Variants in GATA3 observed in about 807,000 individuals in gnomAD.
GATA3 encodes GATA binding protein 3.
Under a neutral mutation model 36.0 loss-of-function variants are expected in GATA3, and 6 were observed. The observed-to-expected ratio is 0.17, with a 90% confidence interval of 0.09 to 0.33. The LOEUF is 0.33. Among genes scored for constraint, GATA3 ranks in the 10% least tolerant of loss-of-function variants. The probability of loss-of-function intolerance (pLI) is 1.00; values close to 1 mark genes in which losing one functional copy is unlikely to be tolerated. For synonymous variants in GATA3, 326 were observed against 273.0 expected (o/e 1.19, Z -1.92); for missense variants, 514 against 610.1 (o/e 0.84, Z 1.66).
At position 8,058,813 on chromosome 10, in the gene GATA3, G is replaced by C; in HGVS notation, c.750G>C (p.Lys250Asn). ...LGGSPTGFGC[K>N]SRPKARSSTE... ...GCTCCCCCACCGGCTTCGGATGCAA[G>C]TCCAGGCCCAAGGCCCGGTCCAGCA... Residue 250 changes from lysine to asparagine, a missense_variant, in exon 3 of 6, where the codon AAG (lysine) becomes AAC (asparagine). Lys to Asn is a moderately conservative substitution (Grantham distance 94). This residue lies in a region of GATA3 where 381 missense variants were observed against 354.3 expected (regional missense o/e 1.08). Coordinates refer to ENST00000379328, the MANE Select transcript of GATA3 (RefSeq NM_001002295.2). The C allele has an allele frequency of 6.2e-7, 1 of 1,606,262 alleles. No individual in the cohort carries two copies. The highest frequency in any genetic ancestry group is 8.5e-7 in the Non-Finnish European group (1 of 1,179,930).
intron 4 of GATA3, among the ~76,000 whole-genome samples, 167 bp downstream of exon 4, chr10:8,064,305 C>CT (rs1832798538): frequency 1.1e-5 from 1 of 87,972 alleles, no homozygotes; most frequent in South Asian, 5.0e-4. Context: ...TTCTTTTCTT[C>CT]TTCTTCTTTT....
chr10:8,045,714 G>A (rs1272917170), intron 1 of GATA3, among the ~76,000 whole-genome samples: 2 of 152,210 alleles, frequency 1.3e-5, no homozygotes, highest in Admixed American at 1.3e-4. Context: ...GGTACGGTGT[G>A]TGAGTGTGTG....
chr10:8,058,279 C>T (rs934616405), intron 2 of GATA3, 26 bp from the exon 3 acceptor site: 5 of 1,612,860 alleles, frequency 3.1e-6, no homozygotes, highest in Non-Finnish European at 4.2e-6. Context: ...CCTTCTCTCT[C>T]CTGCCCTTTC....
intron 4 of GATA3, among the ~76,000 whole-genome samples, chr10:8,068,944 G>C (rs892549898): frequency 6.6e-6 from 1 of 152,176 alleles, no homozygotes; most frequent in Non-Finnish European, 1.5e-5. Flanking sequence ...CTTTATTTGC[G>C]ATCCAGAGTG....
At chr10:8,061,207 G>A (rs545612126) in intron 3 of GATA3, among the ~76,000 whole-genome samples, 2 of 152,278 alleles carry the variant, frequency 1.3e-5, no homozygotes, top group South Asian at 2.1e-4. Context: ...GGCACCTATT[G>A]CTGTCTTAAC....
In GATA3 at chr10:8,055,619, C is replaced by A. The variant is rs1254715318; in HGVS notation, c.-37C>A. On this transcript the variant is annotated 5_prime_UTR_variant, in exon 2 of 6. Transcript: ENST00000379328. This position sits in a 1 kb window ranked among gnomAD's most constrained non-coding sequence, Gnocchi z 5.4. ...CGCCCTCCCTCCCCGCGCGCGGGTT[C>A]CGGGCCCGGCGAGAGGGCGCGAGCA... 5 of 1,540,444 alleles carry A rather than the reference C, an allele frequency of 3.2e-6. No individual in the cohort carries two copies. The highest frequency in any genetic ancestry group is 4.4e-6 in the Non-Finnish European group (5 of 1,145,824).
intron 3 of GATA3, among the ~76,000 whole-genome samples, chr10:8,061,482 G>C (rs1832748064): frequency 6.6e-6 from 1 of 152,194 alleles, no homozygotes; most frequent in Non-Finnish European, 1.5e-5. Flanking sequence ...CTAAGAGAGA[G>C]GTGTCTGCCT....
chr10:8,052,561 G>T (rs1832524384), upstream of GATA3: 2 of 152,370 alleles, frequency 1.3e-5, no homozygotes, highest in South Asian at 4.1e-4. Flanking sequence ...GTGGCTGTGA[G>T]CTGGGCTCAC....
chr10:8,058,272 T>C (rs768871661), intron 2 of GATA3, 33 bp from the exon 3 acceptor site: 33 of 1,611,828 alleles, frequency 2.0e-5, no homozygotes, highest in Non-Finnish European at 2.5e-5. Flanking sequence ...TCACCCTCCT[T>C]CTCTCTCCTG....
chr10:8,059,715 A>C (rs893196007), intron 3 of GATA3, among the ~76,000 whole-genome samples: 1 of 152,244 alleles, frequency 6.6e-6, no homozygotes, highest in Non-Finnish European at 1.5e-5. Flanking sequence ...CATTACTTGC[A>C]TGAAGAAAAA....
rs58582188 is a variant in GATA3, at chr10:8,074,288, A to AT, written c.*266dup. The AT allele has an allele frequency of 8.1e-3, 4,107 of 505,786 alleles. 39 individuals carry two copies. Among genetic ancestry groups the AT allele is most frequent in the African/African-American group, 0.029 (1,510 of 52,480 alleles). 31.3% of individuals were successfully genotyped at this position (505,786 alleles called of 1,614,324 possible). On this transcript the variant is annotated 3_prime_UTR_variant, in exon 6 of 6. Coordinates refer to ENST00000379328, the MANE Select transcript of GATA3 (RefSeq NM_001002295.2). The stretch of plus-strand genomic sequence containing the variant: ...GGTCTCTAGTGCTGTGAAAAAAAAA[A>AT]TGCTGAACATTGCATATAACTTATA...
chr10:8,065,089 G>A (rs1179588113), intron 4 of GATA3, among the ~76,000 whole-genome samples: 1 of 151,996 alleles, frequency 6.6e-6, no homozygotes, highest in African/African-American at 2.4e-5. Context: ...TGGGAGGAGG[G>A]GAATTTCCCC....
At chr10:8,064,311 C>CTT (rs59943653) in intron 4 of GATA3, among the ~76,000 whole-genome samples, 173 bp downstream of exon 4, 9 of 51,422 alleles carry the variant, frequency 1.8e-4, no homozygotes, top group African/African-American at 4.5e-4. Flanking sequence ...TCTTCTTCTT[C>CTT]TTTTTTTTTT....
chr10:8,046,648 A>AGT (rs55947422), intron 1 of GATA3, among the ~76,000 whole-genome samples: 2,466 of 137,798 alleles, frequency 0.018, 18 homozygotes, highest in African/African-American at 0.021. Flanking sequence ...AATGGCTGGC[A>AGT]GTGTGTGTGT....
chr10:8,066,925 C>G (rs1003767304), intron 4 of GATA3, among the ~76,000 whole-genome samples: 1 of 152,094 alleles, frequency 6.6e-6, no homozygotes, highest in Non-Finnish European at 1.5e-5. Flanking sequence ...ATCTGGAGCT[C>G]TGACTTTACC....
upstream of GATA3, among the ~76,000 whole-genome samples, chr10:8,049,074 T>C (rs978437485): frequency 8.1e-6 from 1 of 123,392 alleles, no homozygotes; most frequent in Admixed American, 7.8e-5. Context: ...GATCGATGAA[T>C]AAGCAAAACA....
At chr10:8,066,847 G>A (rs572451853) in intron 4 of GATA3, among the ~76,000 whole-genome samples, 1 of 152,260 alleles carries the variant, frequency 6.6e-6, no homozygotes, top group South Asian at 2.1e-4. Context: ...AGTACTGGAA[G>A]CATCTTCCTT....
intron 1 of GATA3, among the ~76,000 whole-genome samples, chr10:8,047,206 G>A (rs1468836959): frequency 6.6e-6 from 1 of 152,222 alleles, no homozygotes; most frequent in Non-Finnish European, 1.5e-5. Context: ...GTCACACAGA[G>A]TGCCTGGGGA....
chr10:8,057,084 G>A (rs1327956211), intron 2 of GATA3, among the ~76,000 whole-genome samples: 1 of 152,208 alleles, frequency 6.6e-6, no homozygotes, highest in Non-Finnish European at 1.5e-5. Context: ...GTGCGGATCA[G>A]CAGTTAGGTG....
Sources: allele counts gnomAD v4.1 joint callset (sites outside exome capture counted in the v4.1 genomes callset), GRCh38; gene constraint gnomAD v4.1.1; regional missense constraint gnomAD v4.1.1; non-coding constraint Gnocchi (gnomAD v3.1); transcripts MANE v1.5; gene names NCBI Gene and HGNC (gene_info 2026-07-23, HGNC 2026-07-21).